The following RGS21 variants were observed in gnomAD, a reference collection of about 807,000 sequenced individuals.
RGS21 encodes regulator of G protein signaling 21, also known as regulator of G-protein signalling 21.
In RGS21, 19 loss-of-function variants were observed where a neutral mutation model predicts 18.7. The observed-to-expected ratio is 1.01, with a 90% confidence interval of 0.71 to 1.49. RGS21 has a LOEUF of 1.49. Among genes scored for constraint, RGS21 ranks in the 40% most tolerant of loss-of-function variants. The probability of loss-of-function intolerance (pLI) is 0.00; values close to 1 mark genes in which losing one functional copy is unlikely to be tolerated. For missense variants in RGS21, 194 were observed against 176.8 expected (o/e 1.10, Z -0.55); for synonymous variants, 56 against 57.8 (o/e 0.97, Z 0.14).
chr1:192,328,186 A>G (rs6428095), intron 1 of RGS21, among the ~76,000 whole-genome samples: 75,148 of 152,010 alleles, frequency 0.49, 19,644 homozygotes, highest in African/African-American at 0.65. Context: ...CTTAATCACC[A>G]CATATGCATG....
chr1:192,346,329 T>A (rs115968161), intron 2 of RGS21, among the ~76,000 whole-genome samples: 1,980 of 152,196 alleles, frequency 0.013, 42 homozygotes, highest in African/African-American at 0.045. Flanking sequence ...CACTAGTATG[T>A]TTAAGATTAG....
intron 4 of RGS21, among the ~76,000 whole-genome samples, chr1:192,360,240 TAC>T (rs1182505860): frequency 6.6e-6 from 1 of 152,128 alleles, no homozygotes; most frequent in Non-Finnish European, 1.5e-5. Context: ...TGTTAATAAC[TAC>T]TCTGTTCTTC....
intron 4 of RGS21, among the ~76,000 whole-genome samples, chr1:192,358,523 G>T (rs1453838455): frequency 6.6e-6 from 1 of 152,006 alleles, no homozygotes; most frequent in Non-Finnish European, 1.5e-5. Context: ...AATTTGAATA[G>T]TAATTTTTAA....
intron 1 of RGS21, among the ~76,000 whole-genome samples, chr1:192,338,707 T>C (rs559492662): frequency 6.6e-5 from 10 of 152,234 alleles, no homozygotes; most frequent in Non-Finnish European, 1.2e-4. Flanking sequence ...GCCTTAACTT[T>C]TCTCTGGCTT....
At position 192,352,095 on chromosome 1, in the gene RGS21, A is replaced by C; in HGVS notation, c.137A>C (p.Glu46Ala). ...TTTCTAAAATCAGAGTTTAGTGAAG[A>C]AAATGTTGAGTTCTGGCTTGCCTGT... ...RIFLKSEFSE[E>A]NVEFWLACED... Residue 46 changes from glutamate to alanine, a missense_variant, in exon 4 of 5, where the codon GAA (glutamate) becomes GCA (alanine). By Grantham distance (107) the Glu-to-Ala change is moderately radical. Transcript: ENST00000417209. 6.2e-7 allele frequency: 1 copy of C among 1,605,684 alleles called. No individual in the cohort carries two copies. The highest frequency in any genetic ancestry group is 1.1e-5 in the South Asian group (1 of 89,602).
chr1:192,341,184 T>C (rs911785293), intron 1 of RGS21, among the ~76,000 whole-genome samples: 2 of 152,060 alleles, frequency 1.3e-5, no homozygotes, highest in Non-Finnish European at 2.9e-5. Context: ...ATCCTACTAC[T>C]AGACGTTAAC....
intron 4 of RGS21, among the ~76,000 whole-genome samples, chr1:192,352,823 T>G (rs2102234754): frequency 6.6e-6 from 1 of 152,100 alleles, no homozygotes; most frequent in South Asian, 2.1e-4. Context: ...TCCAAACGTG[T>G]TTTATATGTG....
chr1:192,360,428 C>A (rs1488488907), intron 4 of RGS21, among the ~76,000 whole-genome samples: 1 of 152,100 alleles, frequency 6.6e-6, no homozygotes, highest in African/African-American at 2.4e-5. Context: ...AATCACAAGT[C>A]CCATTCATTC....
At chr1:192,333,269 T>C (rs1365170545) in intron 1 of RGS21, among the ~76,000 whole-genome samples, 5 of 142,920 alleles carry the variant, frequency 3.5e-5, no homozygotes, top group African/African-American at 5.2e-5. Context: ...GTTTCTTAAA[T>C]ACACACACAC....
At chr1:192,327,968 A>G (rs1205712204) in intron 1 of RGS21, among the ~76,000 whole-genome samples, 3 of 152,208 alleles carry the variant, frequency 2.0e-5, no homozygotes, top group East Asian at 1.9e-4. Context: ...ATGTCTCATG[A>G]AATGCTGATA....
intron 1 of RGS21, among the ~76,000 whole-genome samples, chr1:192,326,627 T>C (rs941104275): frequency 3.3e-5 from 5 of 152,150 alleles, no homozygotes; most frequent in Non-Finnish European, 5.9e-5. Flanking sequence ...TGAAATACAA[T>C]TTTCTCAGTT....
At chr1:192,350,091 G>T (rs1451511766) in intron 3 of RGS21, among the ~76,000 whole-genome samples, 1 of 151,942 alleles carries the variant, frequency 6.6e-6, no homozygotes, top group Non-Finnish European at 1.5e-5. Context: ...ACCTAAATTG[G>T]TGTTACAGAA....
At chr1:192,336,138 C>G (rs1658763870) in intron 1 of RGS21, among the ~76,000 whole-genome samples, 1 of 152,094 alleles carries the variant, frequency 6.6e-6, no homozygotes, top group African/African-American at 2.4e-5. Flanking sequence ...TAAGTCAAGC[C>G]TAAAGCACCA....
intron 4 of RGS21, among the ~76,000 whole-genome samples, chr1:192,355,748 CTT>C (rs1659102878): frequency 1.3e-5 from 2 of 151,008 alleles, no homozygotes; most frequent in African/African-American, 4.9e-5. Flanking sequence ...TATTACTTAA[CTT>C]TGAGAAAATA....
chr1:192,335,109 A>G (rs1270202899), intron 1 of RGS21, among the ~76,000 whole-genome samples: 1 of 152,162 alleles, frequency 6.6e-6, no homozygotes, highest in African/African-American at 2.4e-5. Context: ...TTCATGGGTC[A>G]TCAGGATGAA....
At chr1:192,359,272 T>G (rs542694018) in intron 4 of RGS21, among the ~76,000 whole-genome samples, 6 of 151,752 alleles carry the variant, frequency 4.0e-5, no homozygotes, top group Non-Finnish European at 5.9e-5. Context: ...TGTGGCACTG[T>G]TTTTTTTGGT....
chr1:192,342,492 G>C (rs1658885366), intron 1 of RGS21, among the ~76,000 whole-genome samples: 1 of 151,856 alleles, frequency 6.6e-6, no homozygotes, highest in South Asian at 2.1e-4. Context: ...GAACATTTTA[G>C]TTCATGAATA....
intron 4 of RGS21, among the ~76,000 whole-genome samples, chr1:192,352,439 G>A (rs1369808852): frequency 6.6e-6 from 1 of 151,636 alleles, no homozygotes; most frequent in African/African-American, 2.4e-5. Context: ...TAATATTTCT[G>A]TCTCTTTGCA....
chr1:192,334,906 G>A (rs2102226672), intron 1 of RGS21, among the ~76,000 whole-genome samples: 1 of 152,140 alleles, frequency 6.6e-6, no homozygotes, highest in South Asian at 2.1e-4. Flanking sequence ...TGTCACTTAT[G>A]TCATTACAAA....
Sources: gnomAD v4.1 joint callset for allele counts (sites outside exome capture counted in the v4.1 genomes callset) on GRCh38, gnomAD v4.1.1 for gene constraint, MANE v1.5 for transcripts, NCBI Gene and HGNC (gene_info 2026-07-23, HGNC 2026-07-21) for gene names.